Variants in CWH43 observed in about 807,000 individuals in gnomAD.
CWH43 encodes the protein PGAP2-interacting protein.
Under a neutral mutation model 85.7 loss-of-function variants are expected in CWH43, and 91 were observed. That is an observed-to-expected ratio of 1.06 (90% CI 0.90 to 1.26). The LOEUF is 1.26. Ranked by LOEUF, CWH43 falls within the 50% of genes most tolerant of loss-of-function variation. CWH43 has a pLI of 0.00. For missense variants in CWH43, 869 were observed against 839.2 expected (o/e 1.04, Z -0.44); for synonymous variants, 323 against 293.6 (o/e 1.10, Z -1.02).
intron 14 of CWH43, among the ~76,000 whole-genome samples, chr4:49,048,096 T>C (rs769169237): frequency 2.6e-5 from 4 of 152,208 alleles, no homozygotes; most frequent in Non-Finnish European, 5.9e-5. Context: ...ATTGTTTAAA[T>C]GAGATATCGG....
At chr4:48,997,282 C>T (rs2109751208) in intron 5 of CWH43, among the ~76,000 whole-genome samples, 1 of 149,820 alleles carries the variant, frequency 6.7e-6, no homozygotes, top group South Asian at 2.1e-4. Flanking sequence ...TGCTCTCAAA[C>T]TCCTGACCTC....
chr4:49,032,414 C>T (rs1346307412), intron 11 of CWH43, 152 bp from the exon 12 acceptor site: 1 of 759,372 alleles, frequency 1.3e-6, no homozygotes, highest in East Asian at 2.5e-5. Flanking sequence ...GACAAATGGA[C>T]TGCCATATAA....
chr4:48,994,653 T>G lies in CWH43; in HGVS notation c.546T>G (p.Thr182=). 1 of 1,614,104 alleles carries G rather than the reference T, an allele frequency of 6.2e-7. No individual in the cohort carries two copies. Among genetic ancestry groups the G allele is most frequent in the Non-Finnish European group, 8.5e-7 (1 of 1,179,996 alleles). The change falls in exon 5 of 16, where the codon ACT becomes ACG. Residue 182 remains threonine (T), a synonymous_variant. Transcript: ENST00000226432. ...GDCSKPEEKK[T]GEVATGMASR... is the part of the protein sequence containing the mutation. ...GCAGTAAACCTGAAGAAAAGAAGAC[T>G]GGTGAGGTAGCCACGGGGATGGCCT...
chr4:48,991,874 A>T (rs1782670417), intron 3 of CWH43, 62 bp from the exon 4 acceptor site: 6 of 1,374,300 alleles, frequency 4.4e-6, no homozygotes, highest in Non-Finnish European at 6.1e-6. Flanking sequence ...ACTGAAATTC[A>T]TGATGGACAT....
chr4:48,989,165 A>C (rs28590759), intron 2 of CWH43, among the ~76,000 whole-genome samples: 85,987 of 152,090 alleles, frequency 0.57, 27,340 homozygotes, highest in Middle Eastern at 0.74. Context: ...AGACCAACAA[A>C]TCAATAGAAA....
At chr4:48,996,750 T>A (rs1444246308) in intron 5 of CWH43, among the ~76,000 whole-genome samples, 1 of 152,202 alleles carries the variant, frequency 6.6e-6, no homozygotes, top group African/African-American at 2.4e-5. Flanking sequence ...ATCCCTGGCC[T>A]TGCTTTACTC....
intron 3 of CWH43, 27 bp from the exon 4 acceptor site, chr4:48,991,909 T>G: frequency 6.3e-7 from 1 of 1,594,530 alleles, no homozygotes; most frequent in Non-Finnish European, 8.6e-7. Context: ...ACATAAAAAG[T>G]GTTTAAAAAT....
At chr4:49,006,007 C>T (rs1390233438) in intron 7 of CWH43, among the ~76,000 whole-genome samples, 2 of 152,172 alleles carry the variant, frequency 1.3e-5, no homozygotes, top group Non-Finnish European at 2.9e-5. Flanking sequence ...CTGGTAAATA[C>T]TCAAGCTTTC....
intron 5 of CWH43, among the ~76,000 whole-genome samples, chr4:48,995,684 A>G (rs1451887198): frequency 6.6e-6 from 1 of 151,924 alleles, no homozygotes; most frequent in East Asian, 1.9e-4. Flanking sequence ...TTGTCTGTCC[A>G]CCTCATCATC....
intron 5 of CWH43, 43 bp downstream of exon 5, chr4:48,994,863 C>G: frequency 6.5e-7 from 1 of 1,537,442 alleles, no homozygotes; most frequent in Non-Finnish European, 9.0e-7. Context: ...GGCAGTTATG[C>G]CTGGAGGAAG....
chr4:49,038,157 C>A lies in CWH43; in HGVS notation c.1780C>A (p.Leu594Ile). 6.3e-7 allele frequency: 1 copy of A among 1,599,818 alleles called. No homozygotes were observed. The highest frequency in any genetic ancestry group is 8.5e-7 in the Non-Finnish European group (1 of 1,173,148). Residue 594 changes from leucine to isoleucine, a missense_variant, in exon 13 of 16, where the codon CTC becomes ATC. Coordinates refer to ENST00000226432, the MANE Select transcript of CWH43 (RefSeq NM_025087.3). ...ACCTGGCTCCAGAGATTATCTACAG[C>A]TCACTGAACATGGCAATGTGAAGGT... ...SAPGSRDYLQ[L>I]TEHGNVKDID...
chr4:49,038,075 A>G lies in CWH43; in HGVS notation c.1698A>G (p.Ser566=). Residue 566 remains serine (S), a synonymous_variant, in exon 13 of 16, where the codon TCA becomes TCG. Coordinates refer to ENST00000226432, the MANE Select transcript of CWH43 (RefSeq NM_025087.3). Reference sequence around the variant, plus strand: ...GGAAACTGCAGGCTATTGCTGTTTCAAAACTACTGAAAAGTAGCTCTAATC... The same window carrying G: ...GGAAACTGCAGGCTATTGCTGTTTCGAAACTACTGAAAAGTAGCTCTAATC... ...LDRKLQAIAV[S]KLLKSSSNQV... The G allele has an allele frequency of 6.2e-7, 1 of 1,612,672 alleles. No homozygotes were observed. Among genetic ancestry groups the G allele is most frequent in the Non-Finnish European group, 8.5e-7 (1 of 1,179,480 alleles).
intron 11 of CWH43, 24 bp from the exon 12 acceptor site, chr4:49,032,542 A>C (rs1784129199): frequency 6.2e-7 from 1 of 1,613,136 alleles, no homozygotes. Context: ...AATGATGCCC[A>C]TGTCTCTTTT....
intron 13 of CWH43, among the ~76,000 whole-genome samples, chr4:49,039,345 A>G (rs1284985945): frequency 2.0e-5 from 2 of 99,106 alleles, no homozygotes; most frequent in Non-Finnish European, 4.1e-5. Flanking sequence ...TGATGTATAT[A>G]TATACTGATA....
rs982249923 is a variant in CWH43, at chr4:48,988,465, T to C, written c.44-12T>C. The C allele has an allele frequency of 1.3e-6, 2 of 1,558,090 alleles. No homozygotes were observed. On this transcript the variant is annotated splice_polypyrimidine_tract_variant and intron_variant, in intron 1 of 15. Coordinates refer to ENST00000226432, the MANE Select transcript of CWH43 (RefSeq NM_025087.3). The stretch of plus-strand genomic sequence containing the variant: ...TTACACTTTCTCTCTTTAACTTTTT[T>C]TTTTTTTGTAGGATGTGTTTCTTGG...
chr4:49,034,581 A>G (rs1402419010), intron 12 of CWH43, among the ~76,000 whole-genome samples: 1 of 152,194 alleles, frequency 6.6e-6, no homozygotes, highest in East Asian at 1.9e-4. Flanking sequence ...TTGATTCAAT[A>G]ATAATGACAA....
chr4:49,002,700 G>A (rs948109129), intron 6 of CWH43, among the ~76,000 whole-genome samples: 2 of 152,184 alleles, frequency 1.3e-5, no homozygotes, highest in Non-Finnish European at 2.9e-5. Context: ...GGTTGTAGAG[G>A]ACCTTGGAAT....
intron 13 of CWH43, among the ~76,000 whole-genome samples, chr4:49,043,793 C>G (rs1313813693): frequency 6.6e-6 from 1 of 151,944 alleles, no homozygotes; most frequent in African/African-American, 2.4e-5. Flanking sequence ...TTTCCCAAGA[C>G]AAACCGGAAC....
In CWH43 at chr4:49,061,877, A is replaced by C. The variant is rs1215581778; in HGVS notation, c.2087A>C (p.Lys696Thr). The C allele has an allele frequency of 7.2e-7, 1 of 1,381,434 alleles. No homozygotes were observed. The highest frequency in any genetic ancestry group is 9.6e-7 in the Non-Finnish European group (1 of 1,037,600). 85.6% of individuals were successfully genotyped at this position (1,381,434 alleles called of 1,614,324 possible). A position where few individuals can be genotyped will look rare whatever the true frequency, so the allele number is the denominator to read the frequency against. ...CATCATTTTCATATGAATACTCCCA[A>C]ATACTTTTTATGAAACATTTAAAAC... is the stretch of plus-strand genomic sequence containing the variant. ...NNHHFHMNTP[K>T]YFL Residue 696 changes from lysine (K) to threonine (T), a missense_variant, in exon 16 of 16, where the codon AAA becomes ACA. Lys to Thr is a moderately conservative substitution (Grantham distance 78). This residue lies in a region of CWH43 where 577 missense variants were observed against 513.1 expected (regional missense o/e 1.12). Transcript: ENST00000226432.
Sources: gnomAD v4.1 joint callset for allele counts (sites outside exome capture counted in the v4.1 genomes callset) on GRCh38, gnomAD v4.1.1 for gene constraint, gnomAD v4.1.1 regional missense constraint, MANE v1.5 for transcripts, NCBI Gene and HGNC (gene_info 2026-07-23, HGNC 2026-07-21) for gene names.